The following KALRN variants were observed in gnomAD, a reference collection of about 807,000 sequenced individuals.
The protein encoded by KALRN is kalirin.
A neutral mutation model predicts 353.7 loss-of-function variants in KALRN; 70 were observed. The observed-to-expected ratio is 0.20, with a 90% CI of 0.16 to 0.24. KALRN has a LOEUF of 0.24. Ranked by LOEUF, KALRN falls within the 10% of genes least tolerant of loss-of-function variation. KALRN has a pLI of 1.00. For missense variants in KALRN, 2,791 were observed against 3,756.7 expected (o/e 0.74, Z 6.72); for synonymous variants, 1,391 against 1,434.8 (o/e 0.97, Z 0.69).
intron 1 of KALRN, among the ~76,000 whole-genome samples, chr3:124,095,192 C>T (rs886883211): frequency 5.3e-5 from 8 of 152,138 alleles, no homozygotes; most frequent in African/African-American, 1.9e-4. Context: ...GTACTCTAGT[C>T]AAATACAAGT....
chr3:124,313,459 A>G (rs2078490547), intron 6 of KALRN, among the ~76,000 whole-genome samples: 1 of 152,218 alleles, frequency 6.6e-6, no homozygotes. Context: ...TGGTGGATGG[A>G]ACTTCCCTTT....
intron 34 of KALRN, among the ~76,000 whole-genome samples, chr3:124,565,594 C>T (rs1474532232): frequency 2.0e-5 from 3 of 152,230 alleles, no homozygotes; most frequent in African/African-American, 7.2e-5. Flanking sequence ...CAAAATCAAG[C>T]ACAGCAATTC....
intron 15 of KALRN, among the ~76,000 whole-genome samples, chr3:124,429,912 T>G (rs1256852181): frequency 1.3e-5 from 2 of 152,244 alleles, no homozygotes; most frequent in African/African-American, 4.8e-5. Flanking sequence ...GTTTACCTAC[T>G]GAAGTTCAAA....
chr3:124,067,375 A>G (rs1403870623), intron 1 of KALRN, among the ~76,000 whole-genome samples: 2 of 143,016 alleles, frequency 1.4e-5, no homozygotes, highest in Non-Finnish European at 3.0e-5. Context: ...GCCTTTAAGT[A>G]TGCTCTACAC....
intron 10 of KALRN, among the ~76,000 whole-genome samples, chr3:124,359,132 C>T (rs2083738201): frequency 6.6e-6 from 1 of 152,166 alleles, no homozygotes; most frequent in Non-Finnish European, 1.5e-5. Context: ...CTTCATGGTC[C>T]TCCTTGACAT....
intron 8 of KALRN, among the ~76,000 whole-genome samples, chr3:124,331,562 G>C (rs943894531): frequency 1.3e-5 from 2 of 152,208 alleles, no homozygotes; most frequent in East Asian, 3.8e-4. Context: ...TGTCATTGTA[G>C]AAGGTACAAC....
At chr3:124,472,721 A>G (rs1286240929) in intron 25 of KALRN, among the ~76,000 whole-genome samples, 1 of 152,150 alleles carries the variant, frequency 6.6e-6, no homozygotes, top group Non-Finnish European at 1.5e-5. Flanking sequence ...AACATTATAT[A>G]GCACTTTTTA....
chr3:124,434,915 T>A (rs79694011), intron 17 of KALRN, among the ~76,000 whole-genome samples: 1 of 152,248 alleles, frequency 6.6e-6, no homozygotes, highest in East Asian at 1.9e-4. Context: ...TTAGGTTCAG[T>A]TGATTTTGGC....
At chr3:124,245,897 G>A (rs2148696879) in intron 3 of KALRN, among the ~76,000 whole-genome samples, 1 of 152,044 alleles carries the variant, frequency 6.6e-6, no homozygotes, top group African/African-American at 2.4e-5. Context: ...TAAAGCTGGT[G>A]GGACAACTCA....
At chr3:124,576,543 C>T (rs529731070) in intron 34 of KALRN, among the ~76,000 whole-genome samples, 3 of 152,210 alleles carry the variant, frequency 2.0e-5, no homozygotes, top group South Asian at 2.1e-4. Flanking sequence ...TCTCTGGGGA[C>T]GTATGGGTTA....
At position 124,289,226 on chromosome 3, in the gene KALRN, A is replaced by T. The variant is rs74744249; in HGVS notation, c.970-9565A>T. On this transcript the variant is annotated intron_variant, in intron 5 of 59. Coordinates refer to ENST00000682506, the MANE Select transcript of KALRN (RefSeq NM_001388419.1). ...CCTCATCTAATCCTAATTACCTCCC[A>T]AAGGCCTCCCCTCTAAATGCCATCA... 7.6e-4 allele frequency among the ~76,000 whole-genome samples: 115 copies of T among 152,294 alleles called. No individual in the cohort carries two copies. In the East Asian group the frequency reaches 7.9e-3, roughly 10 times the overall value.
At chr3:124,554,229 G>A (rs145377790) in intron 33 of KALRN, among the ~76,000 whole-genome samples, 4 of 152,316 alleles carry the variant, frequency 2.6e-5, no homozygotes, top group African/African-American at 9.6e-5. Flanking sequence ...GGTGGCATGC[G>A]CCTGTAATTC....
chr3:124,101,387 G>GA (rs757383982), intron 1 of KALRN, among the ~76,000 whole-genome samples: 19 of 152,298 alleles, frequency 1.2e-4, no homozygotes, highest in Non-Finnish European at 2.2e-4. Flanking sequence ...ATTAGAGAAA[G>GA]AAAAATCGTT....
chr3:124,070,335 A>T (rs535185493), intron 1 of KALRN, among the ~76,000 whole-genome samples: 4 of 152,286 alleles, frequency 2.6e-5, no homozygotes, highest in Non-Finnish European at 5.9e-5. Flanking sequence ...CCACATACAT[A>T]CTTACCAGGT....
intron 24 of KALRN, 109 bp downstream of exon 24, chr3:124,462,065 T>A (rs2059911814): frequency 5.1e-6 from 4 of 780,986 alleles, no homozygotes; most frequent in Non-Finnish European, 8.7e-6. Flanking sequence ...CAGAGAGTAA[T>A]GAATTAAAAA....
intron 1 of KALRN, among the ~76,000 whole-genome samples, chr3:124,184,891 G>A (rs909437638): frequency 3.3e-5 from 5 of 152,182 alleles, no homozygotes; most frequent in Non-Finnish European, 5.9e-5. Context: ...AGGTGGGGAT[G>A]AGCCTGGAAG....
chr3:124,666,489 C>A lies in KALRN; in HGVS notation c.6386C>A (p.Thr2129Lys). The change falls in exon 46 of 60, where the codon ACA becomes AAA. Residue 2129 changes from threonine to lysine, a missense_variant. Thr to Lys is a moderately conservative substitution (Grantham distance 78). Around this residue, in one of 11 missense-constraint regions of KALRN, gnomAD observed 1,065 missense variants for 1,156.4 expected, o/e 0.92. Transcript: ENST00000682506. ...CAGGGGAAGCTGCTGCAGCAGGACA[C>A]ATTCTATGTGATCGAGCTGGATGCA... ...TAQGKLLQQD[T>K]FYVIELDAGM... The A allele has an allele frequency of 6.2e-7, 1 of 1,614,054 alleles. No individual in the cohort carries two copies. The highest frequency in any genetic ancestry group is 8.5e-7 in the Non-Finnish European group (1 of 1,179,900).
At position 124,580,840 on chromosome 3, in the gene KALRN, G is replaced by T. The variant is rs868681698; in HGVS notation, c.5182+17751G>T. Among the ~76,000 whole-genome samples the T allele has an allele frequency of 2.8e-4, 43 of 152,106 alleles. 1 individual carries two copies. Among genetic ancestry groups the T allele is most frequent in the Middle Eastern group, 6.8e-3 (2 of 294 alleles). ...ATTTCCTTGATGGCCAGGTGTGGTG[G>T]CTCACACCTGTAATCCCAGCACTTT... On this transcript the variant is annotated intron_variant, in intron 34 of 59. Coordinates refer to ENST00000682506, the MANE Select transcript of KALRN (RefSeq NM_001388419.1).
chr3:124,467,579 C>T (rs1430088153), intron 25 of KALRN, among the ~76,000 whole-genome samples: 6 of 152,056 alleles, frequency 3.9e-5, no homozygotes, highest in Non-Finnish European at 5.9e-5. Context: ...GAACAAAGGC[C>T]CTGCAAGGGA....
Sources: allele counts gnomAD v4.1 joint callset (sites outside exome capture counted in the v4.1 genomes callset), GRCh38; gene constraint gnomAD v4.1.1; regional missense constraint gnomAD v4.1.1; transcripts MANE v1.5; gene names NCBI Gene and HGNC (gene_info 2026-07-23, HGNC 2026-07-21).